BMP5: variants seen among roughly 807,000 people sequenced by gnomAD.
BMP5 encodes the protein bone morphogenetic protein 5.
BMP5 carries 23 observed loss-of-function variants against 46.6 expected under a neutral mutation model. That is an observed-to-expected ratio of 0.49 (90% CI 0.35 to 0.70). The LOEUF (loss-of-function observed/expected upper bound fraction) is 0.70, where lower values mean the gene tolerates loss of function less well. Among genes scored for constraint, BMP5 ranks in the 30% least tolerant of loss-of-function variants. The pLI is 0.00. For synonymous variants in BMP5, 204 were observed against 191.9 expected (o/e 1.06, Z -0.52); for missense variants, 545 against 565.6 (o/e 0.96, Z 0.37).
At chr6:55,831,612 A>T (rs1776665567) in intron 1 of BMP5, among the ~76,000 whole-genome samples, 1 of 152,006 alleles carries the variant, frequency 6.6e-6, no homozygotes, top group African/African-American at 2.4e-5. Flanking sequence ...GAGCAATTAG[A>T]AGTGGAAAAT....
At chr6:55,812,028 C>T (rs926266002) in intron 2 of BMP5, among the ~76,000 whole-genome samples, 1 of 152,068 alleles carries the variant, frequency 6.6e-6, no homozygotes, top group African/African-American at 2.4e-5. Context: ...ACATGGTAGA[C>T]GCTCAACAAA....
At chr6:55,756,974 G>A (rs191050131) in intron 6 of BMP5, among the ~76,000 whole-genome samples, 24 of 151,858 alleles carry the variant, frequency 1.6e-4, no homozygotes, top group Admixed American at 1.3e-3. Context: ...AACATAAAGC[G>A]TGCACAACAC....
At chr6:55,832,221 C>G (rs1776682519) in intron 1 of BMP5, among the ~76,000 whole-genome samples, 1 of 152,172 alleles carries the variant, frequency 6.6e-6, no homozygotes, top group South Asian at 2.1e-4. Flanking sequence ...TGAGAACACT[C>G]ACTTCTCCCC....
intron 2 of BMP5, among the ~76,000 whole-genome samples, chr6:55,819,113 C>T (rs1323873490): frequency 6.6e-6 from 1 of 152,132 alleles, no homozygotes; most frequent in Non-Finnish European, 1.5e-5. Flanking sequence ...TTCAATGGTT[C>T]ATTTGCAGTC....
intron 6 of BMP5, among the ~76,000 whole-genome samples, chr6:55,757,789 T>C (rs559313673): frequency 6.6e-6 from 1 of 152,132 alleles, no homozygotes; most frequent in South Asian, 2.1e-4. Flanking sequence ...TGTTGCTCTC[T>C]AGCCCAAGGT....
At chr6:55,773,672 C>T (rs16887132) in intron 4 of BMP5, among the ~76,000 whole-genome samples, 5,740 of 151,878 alleles carry the variant, frequency 0.038, 165 homozygotes, top group Non-Finnish European at 0.056. Context: ...GACTTAAGTA[C>T]GAAAGAAAGG....
intron 2 of BMP5, among the ~76,000 whole-genome samples, chr6:55,809,771 A>G (rs1363713753): frequency 6.6e-6 from 1 of 152,144 alleles, no homozygotes; most frequent in Non-Finnish European, 1.5e-5. Flanking sequence ...CCTGGTCCAG[A>G]AAAGCTTTAA....
chr6:55,760,587 C>A, intron 4 of BMP5, 54 bp from the exon 5 acceptor site: 1 of 1,477,734 alleles, frequency 6.8e-7, no homozygotes. Context: ...TATACTAATA[C>A]TTCTTTTGTG....
chr6:55,817,817 T>C (rs1776313251), intron 2 of BMP5, among the ~76,000 whole-genome samples: 1 of 152,184 alleles, frequency 6.6e-6, no homozygotes, highest in Non-Finnish European at 1.5e-5. Context: ...CAAACACTCC[T>C]ACAATCCAGA....
intron 1 of BMP5, among the ~76,000 whole-genome samples, chr6:55,826,951 G>T (rs2127540932): frequency 6.6e-6 from 1 of 151,786 alleles, no homozygotes; most frequent in East Asian, 1.9e-4. Context: ...TGCTACATCT[G>T]TCTCAGGGCA....
chr6:55,809,746 C>T (rs538353275), intron 2 of BMP5, among the ~76,000 whole-genome samples: 1 of 152,152 alleles, frequency 6.6e-6, no homozygotes, highest in Non-Finnish European at 1.5e-5. Context: ...ACTATCTAAT[C>T]ATGAAGCACT....
chr6:55,857,441 A>G (rs1176799905), intron 1 of BMP5, among the ~76,000 whole-genome samples: 2 of 152,220 alleles, frequency 1.3e-5, no homozygotes, highest in African/African-American at 4.8e-5. Flanking sequence ...GCACTCTTTC[A>G]TATCCCTTAG....
chr6:55,790,278 C>A (rs976075033), intron 3 of BMP5, among the ~76,000 whole-genome samples: 1 of 152,164 alleles, frequency 6.6e-6, no homozygotes, highest in Non-Finnish European at 1.5e-5. Context: ...AACTACAAGA[C>A]CTTTTTAATT....
intron 1 of BMP5, among the ~76,000 whole-genome samples, chr6:55,840,447 G>C (rs1024743984): frequency 9.2e-5 from 14 of 152,078 alleles, no homozygotes; most frequent in African/African-American, 3.4e-4. Flanking sequence ...TTATCTGAGA[G>C]GGAACACACT....
At chr6:55,850,874 G>A (rs956241990) in intron 1 of BMP5, among the ~76,000 whole-genome samples, 2 of 152,124 alleles carry the variant, frequency 1.3e-5, no homozygotes, top group Non-Finnish European at 2.9e-5. Context: ...TTGCAAACAG[G>A]AGATAATAAA....
rs1582038057 is a variant in BMP5, at chr6:55,755,290, T to G, written c.*243A>C. 10 of 373,420 alleles carry G rather than the reference T, an allele frequency of 2.7e-5. No homozygotes were observed. The East Asian group carries it at 4.8e-4, about 18-fold the overall frequency. The allele number at this position is 373,420 out of a possible 1,614,324, so 23.1% of individuals were successfully genotyped here. On this transcript the variant is annotated 3_prime_UTR_variant, in exon 7 of 7. Coordinates refer to ENST00000370830, the MANE Select transcript of BMP5 (RefSeq NM_021073.4). ...CAGCATAACCCATTGAAAATTATACTAGATGATCTATTGTATAATGTAGTG... is the reference window on the plus strand; with the variant it reads ...CAGCATAACCCATTGAAAATTATACGAGATGATCTATTGTATAATGTAGTG...
At chr6:55,855,505 AT>A (rs1419580853) in intron 1 of BMP5, among the ~76,000 whole-genome samples, 2 of 151,840 alleles carry the variant, frequency 1.3e-5, no homozygotes, top group Non-Finnish European at 2.9e-5. Flanking sequence ...TTTGTTTGGG[AT>A]TTTTCTATTT....
rs1777852560 is a variant in BMP5 at position 55,874,435 on chromosome 6, C to G, written c.431G>C (p.Ser144Thr). 6 of 1,613,186 alleles carry G rather than the reference C, an allele frequency of 3.7e-6. No homozygotes were observed. The highest frequency in any genetic ancestry group is 5.1e-6 in the Non-Finnish European group (6 of 1,179,532). The change falls in exon 1 of 7, where the codon AGC (serine) becomes ACC (threonine). Residue 144 changes from serine to threonine, a missense_variant. By Grantham distance (58) the Ser-to-Thr change is moderately conservative. Transcript: ENST00000370830. ...PLTTQSPPLA[S>T]LHDTNFLNDA... Reference sequence around the variant, plus strand: ...ATTCAGAAAGTTGGTATCATGGAGGCTGGCTAGAGGAGGACTCTGGGTGGT... The same window carrying G: ...ATTCAGAAAGTTGGTATCATGGAGGGTGGCTAGAGGAGGACTCTGGGTGGT...
At chr6:55,798,119 A>G (rs963592626) in intron 2 of BMP5, among the ~76,000 whole-genome samples, 1 of 151,994 alleles carries the variant, frequency 6.6e-6, no homozygotes, top group Non-Finnish European at 1.5e-5. Context: ...CTTTTCTCCT[A>G]TGCATGTCTT....
Sources: gnomAD v4.1 joint callset for allele counts (sites outside exome capture counted in the v4.1 genomes callset) on GRCh38, gnomAD v4.1.1 for gene constraint, MANE v1.5 for transcripts, NCBI Gene and HGNC (gene_info 2026-07-23, HGNC 2026-07-21) for gene names.